The following PTPRM variants were observed in gnomAD, a reference collection of about 807,000 sequenced individuals.
PTPRM encodes the protein receptor-type tyrosine-protein phosphatase mu.
PTPRM carries 47 observed loss-of-function variants against 186.7 expected under a neutral mutation model. The ratio of observed to expected loss-of-function variants is 0.25; its 90% CI spans 0.20 to 0.32. PTPRM has a LOEUF of 0.32. Ranked by LOEUF, PTPRM falls within the 10% of genes least tolerant of loss-of-function variation. The pLI is 1.00. For synonymous variants in PTPRM, 668 were observed against 674.9 expected, an observed-to-expected ratio of 0.99 and a Z score of 0.16; for missense variants, 1,494 against 1,865.0, an observed-to-expected ratio of 0.80 and a Z score of 3.66.
intron 7 of PTPRM, among the ~76,000 whole-genome samples, chr18:8,045,807 G>T (rs1164962398): frequency 1.3e-5 from 2 of 152,156 alleles, no homozygotes; most frequent in Non-Finnish European, 2.9e-5. Context: ...TACATGGGTG[G>T]ATTTTATGAC....
chr18:8,161,924 C>G (rs192462498), intron 14 of PTPRM, among the ~76,000 whole-genome samples: 1 of 152,072 alleles, frequency 6.6e-6, no homozygotes, highest in African/African-American at 2.4e-5. Flanking sequence ...AATAAGTGTG[C>G]CTCCCATTTC....
intron 2 of PTPRM, among the ~76,000 whole-genome samples, chr18:7,801,693 A>G (rs1289711853): frequency 6.6e-6 from 1 of 152,178 alleles, no homozygotes; most frequent in East Asian, 1.9e-4. Flanking sequence ...AAGGCTTTTT[A>G]CACTAGCAGC....
intron 7 of PTPRM, among the ~76,000 whole-genome samples, chr18:7,990,228 T>G (rs1220893667): frequency 1.3e-5 from 2 of 152,188 alleles, no homozygotes; most frequent in Non-Finnish European, 2.9e-5. Context: ...TCTGAACATT[T>G]ACTCTTTCCA....
At chr18:7,931,519 T>G (rs1207344828) in intron 5 of PTPRM, among the ~76,000 whole-genome samples, 1 of 152,088 alleles carries the variant, frequency 6.6e-6, no homozygotes, top group East Asian at 1.9e-4. Context: ...TGGCCAACAC[T>G]GTGAAACCCT....
At chr18:7,717,625 A>G (rs1233248117) in intron 1 of PTPRM, among the ~76,000 whole-genome samples, 2 of 152,346 alleles carry the variant, frequency 1.3e-5, no homozygotes, top group Admixed American at 6.5e-5. Context: ...CGAAAAGGCA[A>G]AGGGCCCACT....
chr18:8,000,836 T>A (rs1212015509), intron 7 of PTPRM, among the ~76,000 whole-genome samples: 1 of 152,208 alleles, frequency 6.6e-6, no homozygotes, highest in Non-Finnish European at 1.5e-5. Context: ...GCTTTTACAA[T>A]TGCCAACGTT....
intron 23 of PTPRM, 78 bp downstream of exon 23, chr18:8,343,598 T>C: frequency 2.3e-6 from 3 of 1,294,536 alleles, no homozygotes; most frequent in Non-Finnish European, 3.3e-6. Flanking sequence ...TGAGGCAAGC[T>C]TTTGAACTAT....
intron 14 of PTPRM, among the ~76,000 whole-genome samples, chr18:8,225,469 G>A (rs1458385042): frequency 1.3e-5 from 2 of 151,740 alleles, no homozygotes; most frequent in African/African-American, 2.4e-5. Flanking sequence ...CTTCTGTATT[G>A]TCTGCCCCAT....
intron 7 of PTPRM, among the ~76,000 whole-genome samples, chr18:8,068,772 G>A (rs1185830082): frequency 6.6e-6 from 1 of 152,182 alleles, no homozygotes; most frequent in Non-Finnish European, 1.5e-5. Flanking sequence ...ATAAATTAAT[G>A]TTTAAAGATA....
At chr18:7,646,823 T>C (rs2038575877) in intron 1 of PTPRM, among the ~76,000 whole-genome samples, 1 of 152,156 alleles carries the variant, frequency 6.6e-6, no homozygotes, top group Non-Finnish European at 1.5e-5. Context: ...CTATGCAAGA[T>C]TGAGAGCCCT....
intron 2 of PTPRM, among the ~76,000 whole-genome samples, chr18:7,846,765 A>G (rs1400669663): frequency 6.6e-6 from 1 of 152,178 alleles, no homozygotes; most frequent in Non-Finnish European, 1.5e-5. Flanking sequence ...TGTTTTGCCT[A>G]CCTGCTTGTC....
intron 1 of PTPRM, among the ~76,000 whole-genome samples, chr18:7,716,348 A>G (rs925280877): frequency 6.6e-6 from 1 of 152,226 alleles, no homozygotes; most frequent in Non-Finnish European, 1.5e-5. Flanking sequence ...AAGATGGATT[A>G]AAGACTTAAA....
chr18:7,805,982 A>G (rs922494883), intron 2 of PTPRM, among the ~76,000 whole-genome samples: 12 of 152,214 alleles, frequency 7.9e-5, no homozygotes, highest in Admixed American at 1.3e-4. Flanking sequence ...AGGCCACAGC[A>G]TTGAATGGCA....
At chr18:7,946,313 GA>G (rs1349885644) in intron 5 of PTPRM, among the ~76,000 whole-genome samples, 2 of 152,324 alleles carry the variant, frequency 1.3e-5, no homozygotes, top group South Asian at 4.1e-4. Flanking sequence ...ATTACAAAAG[GA>G]TATTATTACA....
At chr18:8,398,062 C>A (rs1418144960) in intron 32 of PTPRM, among the ~76,000 whole-genome samples, 2 of 152,184 alleles carry the variant, frequency 1.3e-5, no homozygotes, top group Non-Finnish European at 2.9e-5. Flanking sequence ...AGCCTCAAAC[C>A]CCTGGGCTCA....
In PTPRM at chr18:7,598,879, A is replaced by G. The variant is rs1255247841; in HGVS notation, c.73+30988A>G. Among the ~76,000 whole-genome samples, 4 of 151,948 alleles carry G rather than the reference A, an allele frequency of 2.6e-5. No individual in the cohort carries two copies. The East Asian group carries it at 7.8e-4, about 29-fold the overall frequency. ...AAGGTGATTCATACCCAGTTACTTA[A>G]TAGTAAAGTCTCATTCCTAAAGGAT... is the stretch of plus-strand genomic sequence containing the variant. On this transcript the variant is annotated intron_variant, in intron 1 of 32. Coordinates refer to ENST00000580170, the MANE Select transcript of PTPRM (RefSeq NM_001105244.2).
chr18:8,312,275 C>T lies in PTPRM; in HGVS notation c.2843-2506C>T, dbSNP rs115962076. Among the ~76,000 whole-genome samples the T allele has an allele frequency of 7.2e-3, 1,092 of 152,292 alleles. 9 individuals are homozygous for T. Among genetic ancestry groups the T allele is most frequent in the African/African-American group, 0.025 (1,047 of 41,548 alleles). ...TACACAAAAGCCATAACAATCTACA[C>T]ATGTCCAGTGCACCAGCTCACCTCC... is the stretch of plus-strand genomic sequence containing the variant. On this transcript the variant is annotated intron_variant, in intron 20 of 32. Transcript: ENST00000580170.
chr18:7,649,881 AGATAAC>A (rs1296100036), intron 1 of PTPRM, among the ~76,000 whole-genome samples: 3 of 152,228 alleles, frequency 2.0e-5, no homozygotes, highest in Admixed American at 1.3e-4. Context: ...CCATAGGCTC[AGATAAC>A]GATTAGCATT....
intron 1 of PTPRM, among the ~76,000 whole-genome samples, chr18:7,667,329 C>T (rs558984434): frequency 1.3e-5 from 2 of 152,102 alleles, no homozygotes; most frequent in Non-Finnish European, 2.9e-5. Context: ...TAAGAGTTAA[C>T]GTATTGATGC....
Sources: allele counts gnomAD v4.1 joint callset (sites outside exome capture counted in the v4.1 genomes callset), GRCh38; gene constraint gnomAD v4.1.1; transcripts MANE v1.5; gene names NCBI Gene and HGNC (gene_info 2026-07-23, HGNC 2026-07-21).